CELF1: variants seen among roughly 807,000 people sequenced by gnomAD.
CELF1 encodes the protein 50 kDa nuclear polyadenylated RNA-binding protein.
A neutral mutation model predicts 61.8 loss-of-function variants in CELF1; 10 were observed. The ratio of observed to expected loss-of-function variants is 0.16; its 90% CI spans 0.10 to 0.27. The LOEUF (loss-of-function observed/expected upper bound fraction) is 0.27, where lower values mean the gene tolerates loss of function less well. Ranked by LOEUF, CELF1 falls within the 10% of genes least tolerant of loss-of-function variation. The probability of loss-of-function intolerance (pLI) is 1.00; values close to 1 mark genes in which losing one functional copy is unlikely to be tolerated. For missense variants in CELF1, 380 were observed against 639.1 expected (o/e 0.59, Z 4.37); for synonymous variants, 236 against 225.1 (o/e 1.05, Z -0.43).
At chr11:47,499,684 G>C in intron 2 of CELF1, 80 bp from the exon 3 acceptor site, 1 of 619,326 alleles carries the variant, frequency 1.6e-6, no homozygotes, top group Non-Finnish European at 2.9e-6. Context: ...AGGCAGGACT[G>C]GGGAAGGGGT....
intron 14 of CELF1, among the ~76,000 whole-genome samples, chr11:47,472,876 A>G (rs2078297459): frequency 6.6e-6 from 1 of 151,978 alleles, no homozygotes; most frequent in Non-Finnish European, 1.5e-5. Context: ...TCCATATATT[A>G]TTTTTCTCTC....
chr11:47,505,727 G>A (rs1386729502), intron 1 of CELF1, among the ~76,000 whole-genome samples: 1 of 149,622 alleles, frequency 6.7e-6, no homozygotes, highest in Non-Finnish European at 1.5e-5. Context: ...GAGGCTGGCA[G>A]ATCACCTGAG....
At chr11:47,562,226 C>CA (rs745795043) in intron 2 of CELF1, among the ~76,000 whole-genome samples, 197 of 81,566 alleles carry the variant, frequency 2.4e-3, no homozygotes, top group Middle Eastern at 7.4e-3. Context: ...AACTCCATCT[C>CA]AAAAAAAAAA....
At chr11:47,488,334 T>C (rs1356196553) in intron 4 of CELF1, among the ~76,000 whole-genome samples, 1 of 152,220 alleles carries the variant, frequency 6.6e-6, no homozygotes, top group Non-Finnish European at 1.5e-5. Context: ...ACAAGCTGCC[T>C]AAACAAATCC....
Position 47,475,359 on chromosome 11 carries a change from C to T in CELF1, c.1250G>A (p.Gly417Asp). 1 of 1,613,874 alleles carries T rather than the reference C, an allele frequency of 6.2e-7. No individual in the cohort carries two copies. The highest frequency in any genetic ancestry group is 8.5e-7 in the Non-Finnish European group (1 of 1,180,012). Residue 417 changes from glycine to aspartate, a missense_variant, in exon 13 of 15, where the codon GGT becomes GAT. Coordinates refer to ENST00000687097, the MANE Select transcript of CELF1 (RefSeq NM_001376376.1). Reference protein sequence around the residue: ...NQNLLTQQSIGAAGSQKEGPE... With the variant: ...NQNLLTQQSIDAAGSQKEGPE... ...ACCTTCCTTCTGGCTTCCAGCAGCA[C>T]CAATACTCTGCTGTGTCAGAAGATT...
At position 47,477,303 on chromosome 11, in the gene CELF1, T is replaced by A; in HGVS notation, c.967A>T (p.Ser323Cys). Reference protein sequence around the residue: ...TSSSPLSVLTSSAGSSPSSSS... With the variant: ...TSSSPLSVLTCSAGSSPSSSS... ...GGGTCATCCTCATGCTTACCTGAAC[T>A]AGTGAGCACGCTGAGGGGACTGCTG... The change falls in exon 11 of 15, where the codon AGT becomes TGT. Residue 323 changes from serine (S) to cysteine (C), a missense_variant. By Grantham distance (112) the Ser-to-Cys change is moderately radical (BLOSUM62 -1). Coordinates refer to ENST00000687097, the MANE Select transcript of CELF1 (RefSeq NM_001376376.1). The A allele has an allele frequency of 6.2e-7, 1 of 1,613,984 alleles. No individual in the cohort carries two copies. Among genetic ancestry groups the A allele is most frequent in the Non-Finnish European group, 8.5e-7 (1 of 1,179,876 alleles).
chr11:47,487,379 A>G lies in CELF1; in HGVS notation c.260-138T>C, dbSNP rs965402198. 2.9e-5 allele frequency: 18 copies of G among 613,254 alleles called. No individual in the cohort carries two copies. The African/African-American group carries it at 3.0e-4, about 10-fold the overall frequency. 38.0% of individuals were successfully genotyped at this position (613,254 alleles called of 1,614,324 possible). A position where few individuals can be genotyped will look rare whatever the true frequency, so the allele number is the denominator to read the frequency against. On this transcript the variant is annotated intron_variant, in intron 4 of 14. Transcript: ENST00000687097. The stretch of plus-strand genomic sequence containing the variant: ...TAGTGAGAGGGGGAGGGTAGTGGAA[A>G]AGAACGAATAGAATATCTAGCAGAG...
At chr11:47,493,258 C>G (rs1258529004) in intron 3 of CELF1, among the ~76,000 whole-genome samples, 1 of 150,640 alleles carries the variant, frequency 6.6e-6, no homozygotes, top group African/African-American at 2.4e-5. Flanking sequence ...AACTGTGGCC[C>G]AAGAGGCTGG....
At chr11:47,495,626 G>A (rs186838010) in intron 3 of CELF1, among the ~76,000 whole-genome samples, 2 of 152,262 alleles carry the variant, frequency 1.3e-5, no homozygotes, top group African/African-American at 2.4e-5. Context: ...AAAGTTATAA[G>A]GTAGTTAAGA....
chr11:47,481,766 A>C (rs370220485), intron 9 of CELF1, among the ~76,000 whole-genome samples: 1 of 152,190 alleles, frequency 6.6e-6, no homozygotes, highest in East Asian at 1.9e-4. Context: ...TCTAAATCAC[A>C]AATTGGGGCG....
chr11:47,475,379 A>C lies in CELF1; in HGVS notation c.1230T>G (p.Leu410=). 1 of 1,614,026 alleles carries C rather than the reference A, an allele frequency of 6.2e-7. No homozygotes were observed. The highest frequency in any genetic ancestry group is 8.5e-7 in the Non-Finnish European group (1 of 1,180,026). The change falls in exon 13 of 15, where the codon CTT becomes CTG. Residue 410 remains leucine, a synonymous_variant. Coordinates refer to ENST00000687097, the MANE Select transcript of CELF1 (RefSeq NM_001376376.1). The part of the protein sequence containing the change: ...AALPTLYNQN[L]LTQQSIGAAG... Reference sequence around the variant, plus strand: ...CAGCACCAATACTCTGCTGTGTCAGAAGATTCTGGTTGTACAGAGTGGGGA... The same window carrying C: ...CAGCACCAATACTCTGCTGTGTCAGCAGATTCTGGTTGTACAGAGTGGGGA...
chr11:47,535,031 G>C (rs146001850), intron 1 of CELF1, among the ~76,000 whole-genome samples: 2,752 of 152,114 alleles, frequency 0.018, 41 homozygotes, highest in Non-Finnish European at 0.029. Context: ...TCTGGAAAAG[G>C]GTTAAGTCTT....
At position 47,507,564 on chromosome 11, in the gene CELF1, C is replaced by T. The variant is rs2094611425; in HGVS notation, c.-153-6632G>A. Among the ~76,000 whole-genome samples, 3 of 152,246 alleles carry T rather than the reference C, an allele frequency of 2.0e-5. No individual in the cohort carries two copies. In the South Asian group the frequency reaches 6.2e-4, roughly 32 times the overall value. On this transcript the variant is annotated intron_variant, in intron 1 of 14. Coordinates refer to ENST00000687097, the MANE Select transcript of CELF1 (RefSeq NM_001376376.1). The stretch of plus-strand genomic sequence containing the variant: ...TTTTTAAGCATATCGAACAATCTTG[C>T]AAGTAAAGACTGATTCTATAAAACT...
intron 4 of CELF1, 78 bp from the exon 5 acceptor site, chr11:47,487,319 A>G (rs1190250012): frequency 1.8e-6 from 2 of 1,083,092 alleles, no homozygotes; most frequent in East Asian, 2.4e-5. Context: ...CCACTGACAG[A>G]TCAGATCTTA....
upstream of CELF1, among the ~76,000 whole-genome samples, chr11:47,553,607 G>A (rs1215144029): frequency 6.6e-6 from 1 of 152,150 alleles, no homozygotes; most frequent in Non-Finnish European, 1.5e-5. Flanking sequence ...TTTTGCCCCA[G>A]CAGACAAGCA....
chr11:47,475,316 CG>C lies in CELF1; in HGVS notation c.1273+19del. 6.2e-7 allele frequency: 1 copy of C among 1,611,982 alleles called. No individual in the cohort carries two copies. Among genetic ancestry groups the C allele is most frequent in the Non-Finnish European group, 8.5e-7 (1 of 1,179,358 alleles). On this transcript the variant is annotated intron_variant, in intron 13 of 14. Coordinates refer to ENST00000687097, the MANE Select transcript of CELF1 (RefSeq NM_001376376.1). ...GAAAACCGCCCCCCATACCTGACCC[CG>C]ATCTCCCTTTGCACTCACCTTCCTT...
intron 1 of CELF1, among the ~76,000 whole-genome samples, chr11:47,528,262 C>T (rs927993598): frequency 2.6e-5 from 4 of 152,036 alleles, no homozygotes; most frequent in Admixed American, 1.3e-4. Context: ...AAGAGAAATA[C>T]GGGATTGGAC....
chr11:47,537,325 G>A (rs752194237), intron 1 of CELF1, among the ~76,000 whole-genome samples: 8 of 148,572 alleles, frequency 5.4e-5, no homozygotes, highest in Non-Finnish European at 1.2e-4. Context: ...TTGGCTCACT[G>A]CAGCCTCCAC....
intron 1 of CELF1, among the ~76,000 whole-genome samples, chr11:47,551,687 G>A (rs1410939461): frequency 6.6e-6 from 1 of 152,170 alleles, no homozygotes; most frequent in African/African-American, 2.4e-5. Context: ...CCCAATTCAT[G>A]GGTAATCAAA....
Sources: gnomAD v4.1 joint callset for allele counts (sites outside exome capture counted in the v4.1 genomes callset) on GRCh38, gnomAD v4.1.1 for gene constraint, MANE v1.5 for transcripts, NCBI Gene and HGNC (gene_info 2026-07-23, HGNC 2026-07-21) for gene names.